Variants in CSMD1 observed in about 807,000 individuals in gnomAD.
CSMD1 encodes the protein CUB and Sushi multiple domains 1.
CSMD1 carries 213 observed loss-of-function variants against 417.5 expected under a neutral mutation model. That is an observed-to-expected ratio of 0.51 (90% confidence interval 0.46 to 0.57). The LOEUF (loss-of-function observed/expected upper bound fraction) is 0.57. Ranked by LOEUF, CSMD1 falls within the 20% of genes least tolerant of loss-of-function variation. CSMD1 has a pLI of 0.00. For missense variants in CSMD1, 6,923 were observed against 4,529.7 expected (o/e 1.53, Z -15.17); for synonymous variants, 2,862 against 1,736.8 (o/e 1.65, Z -16.11).
In CSMD1 at chr8:3,407,932, T is replaced by C; in HGVS notation, c.2038A>G (p.Thr680Ala). ...GTGATGTTGAACCCTCTGCCAGTAG[T>C]GGAATGGTCAGACTGAAATTCCAAG... ...VRLEFQSDHS[T>A]TGRGFNITYT... is the part of the protein sequence containing the mutation. Residue 680 changes from threonine to alanine, a missense_variant, in exon 14 of 70, where the codon ACT becomes GCT. Transcript: ENST00000635120. 1.9e-6 allele frequency: 3 copies of C among 1,612,938 alleles called. No individual in the cohort carries two copies. The highest frequency in any genetic ancestry group is 2.5e-6 in the Non-Finnish European group (3 of 1,179,252).
At chr8:4,706,538 A>G (rs954106297) in intron 1 of CSMD1, among the ~76,000 whole-genome samples, 3 of 152,246 alleles carry the variant, frequency 2.0e-5, no homozygotes, top group African/African-American at 4.8e-5. Context: ...TCATAAACAA[A>G]TATATTTAAC....
chr8:3,441,246 T>G (rs548498216), intron 12 of CSMD1, among the ~76,000 whole-genome samples: 1 of 152,056 alleles, frequency 6.6e-6, no homozygotes, highest in African/African-American at 2.4e-5. Context: ...TTTGGACTTG[T>G]GGCCTCCAGA....
chr8:3,607,616 A>G (rs1022150772), intron 8 of CSMD1, among the ~76,000 whole-genome samples: 3 of 152,220 alleles, frequency 2.0e-5, no homozygotes, highest in Admixed American at 6.5e-5. Context: ...TTTCAGCTCC[A>G]TTAAAATCTT....
At chr8:3,031,463 A>C (rs1810334818) in intron 50 of CSMD1, among the ~76,000 whole-genome samples, 1 of 151,126 alleles carries the variant, frequency 6.6e-6, no homozygotes, top group Non-Finnish European at 1.5e-5. Context: ...TTAAAGTCTA[A>C]CAATAATAAA....
At chr8:3,696,998 T>G (rs140909832) in intron 7 of CSMD1, among the ~76,000 whole-genome samples, 92 of 152,230 alleles carry the variant, frequency 6.0e-4, no homozygotes, top group East Asian at 1.2e-3. Flanking sequence ...CAGGATCCAG[T>G]AGGTCATGGG....
Position 3,070,910 on chromosome 8 carries a change from G to A in CSMD1, c.7474+16187C>T, listed in dbSNP as rs377469054. Among the ~76,000 whole-genome samples, 7 of 152,230 alleles carry A rather than the reference G, an allele frequency of 4.6e-5. No homozygotes were observed. The East Asian group carries it at 1.2e-3, about 25-fold the overall frequency. On this transcript the variant is annotated intron_variant, in intron 49 of 69. Coordinates refer to ENST00000635120, the MANE Select transcript of CSMD1 (RefSeq NM_033225.6). ...GAGACTGGGTAATTTATAAGAAAAA[G>A]AGGTTTGATTGGCTCATGGTTCTGT...
intron 1 of CSMD1, among the ~76,000 whole-genome samples, chr8:4,742,204 G>T (rs546679020): frequency 1.3e-5 from 2 of 150,374 alleles, no homozygotes; most frequent in East Asian, 2.0e-4. Context: ...CTAATTTTTT[G>T]TATTTTTAGT....
At chr8:4,348,018 TA>T (rs577942886) in intron 3 of CSMD1, among the ~76,000 whole-genome samples, 2 of 151,898 alleles carry the variant, frequency 1.3e-5, no homozygotes, top group Non-Finnish European at 2.9e-5. Context: ...ACTATATGCA[TA>T]AAGAGGAAAA....
At chr8:3,382,806 C>T (rs967163347) in intron 18 of CSMD1, among the ~76,000 whole-genome samples, 1 of 151,728 alleles carries the variant, frequency 6.6e-6, no homozygotes, top group South Asian at 2.1e-4. Context: ...CTTTATTTTA[C>T]ATCTTTAATA....
At chr8:4,840,437 A>G (rs2116772970) in intron 1 of CSMD1, among the ~76,000 whole-genome samples, 1 of 152,366 alleles carries the variant, frequency 6.6e-6, no homozygotes, top group South Asian at 2.1e-4. Context: ...GTTGAAGACT[A>G]TAGTCAGTTC....
chr8:4,919,135 T>A (rs551633333), intron 1 of CSMD1, among the ~76,000 whole-genome samples: 1 of 152,212 alleles, frequency 6.6e-6, no homozygotes, highest in African/African-American at 2.4e-5. Flanking sequence ...AAAGTTAGAA[T>A]GGAAACATAC....
chr8:4,848,994 T>C (rs577556052), intron 1 of CSMD1, among the ~76,000 whole-genome samples: 4 of 152,324 alleles, frequency 2.6e-5, no homozygotes, highest in East Asian at 1.9e-4. Flanking sequence ...TCAGGAAGTA[T>C]TGGAGAATAA....
At chr8:4,844,711 T>C (rs1561360) in intron 1 of CSMD1, among the ~76,000 whole-genome samples, 98,724 of 152,140 alleles carry the variant, frequency 0.65, 32,526 homozygotes, top group East Asian at 0.96. Flanking sequence ...TCTAAACAAC[T>C]AATTGTAGTG....
intron 3 of CSMD1, among the ~76,000 whole-genome samples, chr8:4,240,221 G>C (rs1017820551): frequency 6.6e-6 from 1 of 152,244 alleles, no homozygotes; most frequent in Non-Finnish European, 1.5e-5. Flanking sequence ...CGGCTGCAGA[G>C]CGTAGCTTGT....
At chr8:4,663,053 A>C (rs1481950786) in intron 1 of CSMD1, among the ~76,000 whole-genome samples, 1 of 152,220 alleles carries the variant, frequency 6.6e-6, no homozygotes, top group Non-Finnish European at 1.5e-5. Context: ...GAGCTGACTA[A>C]CATGACTGGA....
At chr8:4,917,960 A>G (rs1806182805) in intron 1 of CSMD1, among the ~76,000 whole-genome samples, 1 of 152,200 alleles carries the variant, frequency 6.6e-6, no homozygotes, top group Non-Finnish European at 1.5e-5. Context: ...GCTAAGGTCT[A>G]TTTAGTAGAG....
intron 2 of CSMD1, among the ~76,000 whole-genome samples, chr8:4,605,251 C>G (rs1381631592): frequency 6.6e-6 from 1 of 151,646 alleles, no homozygotes; most frequent in Non-Finnish European, 1.5e-5. Flanking sequence ...TAACGTTAGA[C>G]CGATGAAGTT....
chr8:4,239,973 C>T (rs1444506580), intron 3 of CSMD1, among the ~76,000 whole-genome samples: 1 of 152,130 alleles, frequency 6.6e-6, no homozygotes, highest in African/African-American at 2.4e-5. Flanking sequence ...ACCTCTTTTA[C>T]CAGTGATTTC....
rs76938627 is a variant in CSMD1, at chr8:4,066,715, G to T, written c.416-34616C>A. ...CTGAAATTAGATGATAGTATATTTT[G>T]TTTGGGACGAGAGTGAAGACTGAGA... On this transcript the variant is annotated intron_variant, in intron 3 of 69. Transcript: ENST00000635120. Among the ~76,000 whole-genome samples the T allele has an allele frequency of 3.9e-5, 6 of 152,188 alleles. No individual in the cohort carries two copies. The East Asian group carries it at 1.2e-3, about 30-fold the overall frequency.
Sources: gnomAD v4.1 joint callset for allele counts (sites outside exome capture counted in the v4.1 genomes callset) on GRCh38, gnomAD v4.1.1 for gene constraint, MANE v1.5 for transcripts, NCBI Gene and HGNC (gene_info 2026-07-23, HGNC 2026-07-21) for gene names.